Variants in VPS13B observed in about 807,000 individuals in gnomAD.
VPS13B encodes the protein vacuolar protein sorting 13 homolog B, also known as intermembrane lipid transfer protein VPS13B.
In VPS13B, 285 loss-of-function variants were observed where a neutral mutation model predicts 426.4. The ratio of observed to expected loss-of-function variants is 0.67; its 90% CI spans 0.61 to 0.74. The LOEUF (loss-of-function observed/expected upper bound fraction) is 0.74, where lower values mean the gene tolerates loss of function less well. Among genes scored for constraint, VPS13B ranks in the 30% least tolerant of loss-of-function variants. VPS13B has a pLI of 0.00. For missense variants in VPS13B, 4,537 were observed against 4,782.6 expected, an observed-to-expected ratio of 0.95 and a Z score of 1.51; for synonymous variants, 1,676 against 1,676.4, an observed-to-expected ratio of 1.00 and a Z score of 0.01.
At chr8:99,177,306 G>A (rs1255246187) in intron 16 of VPS13B, among the ~76,000 whole-genome samples, 2 of 152,134 alleles carry the variant, frequency 1.3e-5, no homozygotes, top group African/African-American at 4.8e-5. Context: ...ACCAGTCTTT[G>A]TATATGTTAA....
intron 43 of VPS13B, among the ~76,000 whole-genome samples, chr8:99,791,489 G>C (rs1812531385): frequency 6.6e-6 from 1 of 152,050 alleles, no homozygotes; most frequent in Admixed American, 6.5e-5. Flanking sequence ...TTTAAGTAGA[G>C]GAATGCCAGG....
At chr8:99,079,778 T>C (rs528104979) in intron 3 of VPS13B, among the ~76,000 whole-genome samples, 1 of 152,106 alleles carries the variant, frequency 6.6e-6, no homozygotes, top group African/African-American at 2.4e-5. Flanking sequence ...TAGCTCATCA[T>C]CATTTTTACT....
At chr8:99,333,558 A>T (rs925753286) in intron 19 of VPS13B, among the ~76,000 whole-genome samples, 2 of 151,866 alleles carry the variant, frequency 1.3e-5, no homozygotes, top group Non-Finnish European at 2.9e-5. Context: ...GTTTTATCAC[A>T]TATGTAGATT....
At chr8:99,579,534 A>T (rs1825946301) in intron 33 of VPS13B, among the ~76,000 whole-genome samples, 1 of 151,946 alleles carries the variant, frequency 6.6e-6, no homozygotes, top group African/African-American at 2.4e-5. Context: ...CGTAGCTGGG[A>T]TTACAGGTGC....
chr8:99,769,100 A>G (rs1489121138), intron 40 of VPS13B, among the ~76,000 whole-genome samples: 1 of 152,220 alleles, frequency 6.6e-6, no homozygotes, highest in African/African-American at 2.4e-5. Context: ...CAGAAATTTA[A>G]GCAGATAATC....
intron 3 of VPS13B, among the ~76,000 whole-genome samples, chr8:99,077,645 C>T (rs184787431): frequency 8.5e-5 from 13 of 152,060 alleles, no homozygotes; most frequent in South Asian, 4.1e-4. Context: ...ACTTTTCTCT[C>T]GCTATTTTTA....
At chr8:99,508,226 C>G (rs982086953) in intron 28 of VPS13B, among the ~76,000 whole-genome samples, 3 of 152,182 alleles carry the variant, frequency 2.0e-5, no homozygotes, top group Admixed American at 6.5e-5. Context: ...ATTCCTCTTA[C>G]GATTCTTAAT....
At chr8:99,775,621 G>A (rs1811703030) in intron 40 of VPS13B, among the ~76,000 whole-genome samples, 1 of 152,168 alleles carries the variant, frequency 6.6e-6, no homozygotes, top group Non-Finnish European at 1.5e-5. Context: ...ATACAGGCTG[G>A]GATTGGTGGC....
rs1322337520 is a variant in VPS13B at position 99,828,392 on chromosome 8, CCGTTTTTTTTTTTTTTTTTTTTTTTTT to C, written c.9331-3976_9331-3950del. On this transcript the variant is annotated intron_variant, in intron 51 of 61. Coordinates refer to ENST00000357162, the MANE Select transcript of VPS13B (RefSeq NM_152564.5). The stretch of plus-strand genomic sequence containing the variant: ...TTATCAGAGACTAGGATTACAACCA[CCGTTTTTTTTTTTTTTTTTTTTTTTTT>C]TTTTTTTTTTTTTTTGCTTTCCATG... 1.3e-3 allele frequency among the ~76,000 whole-genome samples: 62 copies of C among 47,652 alleles called. 3 individuals are homozygous for C. The highest frequency in any genetic ancestry group is 5.4e-3 in the African/African-American group (59 of 11,026). The allele number at this position is 47,652 out of a possible 152,430, so 31.3% of individuals were successfully genotyped here.
chr8:99,125,478 A>G (rs763593170), intron 8 of VPS13B, among the ~76,000 whole-genome samples: 3 of 152,196 alleles, frequency 2.0e-5, no homozygotes, highest in Non-Finnish European at 2.9e-5. Context: ...CTCCTTCGGC[A>G]GCACCCTCAT....
chr8:99,119,910 AG>A (rs1378091706), intron 7 of VPS13B, among the ~76,000 whole-genome samples: 1 of 151,568 alleles, frequency 6.6e-6, no homozygotes, highest in Non-Finnish European at 1.5e-5. Flanking sequence ...GACAGGGTCC[AG>A]GGTCTTGCTC....
chr8:99,318,016 G>A (rs1430798332), intron 19 of VPS13B, among the ~76,000 whole-genome samples: 1 of 152,036 alleles, frequency 6.6e-6, no homozygotes, highest in Non-Finnish European at 1.5e-5. Flanking sequence ...CCTTTAGAAA[G>A]CTTTACTTTA....
At chr8:99,873,714 G>A (rs1817551195) in intron 61 of VPS13B, among the ~76,000 whole-genome samples, 2 of 152,232 alleles carry the variant, frequency 1.3e-5, no homozygotes, top group South Asian at 2.1e-4. Flanking sequence ...GCTGCAGAGC[G>A]TCTTTGAGAC....
intron 21 of VPS13B, among the ~76,000 whole-genome samples, chr8:99,408,274 A>G (rs1343361398): frequency 1.3e-5 from 2 of 152,188 alleles, no homozygotes; most frequent in African/African-American, 4.8e-5. Flanking sequence ...AAAAGTGTAG[A>G]AGGAGATAAG....
chr8:99,835,816 A>G, intron 54 of VPS13B, 78 bp downstream of exon 54: 2 of 1,428,692 alleles, frequency 1.4e-6, no homozygotes, highest in South Asian at 2.4e-5. Context: ...CCTATTTTTA[A>G]ACATAATTTT....
At position 99,699,726 on chromosome 8, in the gene VPS13B, C is replaced by T. The variant is rs1184896116; in HGVS notation, c.6248C>T (p.Pro2083Leu). Reference sequence around the variant, plus strand: ...TATTACCGTGGAAAGTTGTCTAAACCCAAAATTCATGGTGATGGAGTGCAA... The same window carrying T: ...TATTACCGTGGAAAGTTGTCTAAACTCAAAATTCATGGTGATGGAGTGCAA... ...SKYYRGKLSKPKIHGDGVQKI... is the reference protein window; with the variant it reads ...SKYYRGKLSKLKIHGDGVQKI... Residue 2083 changes from proline (P) to leucine (L), a missense_variant, in exon 36 of 62, where the codon CCC becomes CTC. Physicochemically the swap from Pro to Leu is moderately conservative, Grantham distance 98. Transcript: ENST00000357162. 6.2e-7 allele frequency: 1 copy of T among 1,613,980 alleles called. No homozygotes were observed. Among genetic ancestry groups the T allele is most frequent in the Non-Finnish European group, 8.5e-7 (1 of 1,179,992 alleles).
chr8:99,780,342 G>C (rs2130686598), intron 42 of VPS13B, among the ~76,000 whole-genome samples: 1 of 152,124 alleles, frequency 6.6e-6, no homozygotes, highest in Non-Finnish European at 1.5e-5. Context: ...TTTTTGTCTT[G>C]GTATCAGAAC....
chr8:99,039,480 T>C (rs76226627), intron 3 of VPS13B, among the ~76,000 whole-genome samples: 3,056 of 152,088 alleles, frequency 0.02, 113 homozygotes, highest in African/African-American at 0.07. Context: ...CCATAGCTTA[T>C]TGTGGAGAAT....
At chr8:99,230,114 G>T (rs1816240957) in intron 17 of VPS13B, among the ~76,000 whole-genome samples, 1 of 152,012 alleles carries the variant, frequency 6.6e-6, no homozygotes, top group African/African-American at 2.4e-5. Flanking sequence ...TTACTGAATT[G>T]TAAGAGCCAT....
Sources: gnomAD v4.1 joint callset for allele counts (sites outside exome capture counted in the v4.1 genomes callset) on GRCh38, gnomAD v4.1.1 for gene constraint, MANE v1.5 for transcripts, NCBI Gene and HGNC (gene_info 2026-07-23, HGNC 2026-07-21) for gene names.